ESRRG: variants seen among roughly 807,000 people sequenced by gnomAD.
The protein encoded by ESRRG is estrogen related receptor gamma.
Under a neutral mutation model 44.0 loss-of-function variants are expected in ESRRG, and 13 were observed. The ratio of observed to expected loss-of-function variants is 0.30; its 90% CI spans 0.19 to 0.47. The LOEUF is 0.47. ESRRG is among the 20% of genes least tolerant of loss of function. The probability of loss-of-function intolerance (pLI) is 1.00; values close to 1 mark genes in which losing one functional copy is unlikely to be tolerated. For missense variants in ESRRG, 395 were observed against 580.6 expected (o/e 0.68, Z 3.29); for synonymous variants, 215 against 214.6 (o/e 1.00, Z -0.02).
intron 1 of ESRRG, among the ~76,000 whole-genome samples, chr1:217,102,386 G>A (rs1296008244): frequency 6.6e-6 from 1 of 152,108 alleles, no homozygotes; most frequent in African/African-American, 2.4e-5. Flanking sequence ...TAATTAATAT[G>A]TGTTATCAAT....
intron 2 of ESRRG, among the ~76,000 whole-genome samples, chr1:216,822,004 G>A (rs2095308579): frequency 6.6e-6 from 1 of 151,854 alleles, no homozygotes; most frequent in Admixed American, 6.6e-5. Flanking sequence ...GCAGAAGGGG[G>A]GTTAGATCTT....
At chr1:216,546,892 G>A (rs1411338834) in intron 5 of ESRRG, among the ~76,000 whole-genome samples, 1 of 151,730 alleles carries the variant, frequency 6.6e-6, no homozygotes, top group Non-Finnish European at 1.5e-5. Flanking sequence ...TGCCATGGTG[G>A]TTTGCTGCAC....
intron 1 of ESRRG, among the ~76,000 whole-genome samples, chr1:217,075,213 C>T (rs1177767921): frequency 6.6e-6 from 1 of 152,168 alleles, no homozygotes. Flanking sequence ...AATAATGAAA[C>T]CAGCAACAGT....
At chr1:216,970,769 A>G (rs1401524670) in intron 1 of ESRRG, among the ~76,000 whole-genome samples, 1 of 152,164 alleles carries the variant, frequency 6.6e-6, no homozygotes, top group Non-Finnish European at 1.5e-5. Flanking sequence ...ATGTCCTTTC[A>G]ATTGCTTAGA....
intron 2 of ESRRG, among the ~76,000 whole-genome samples, chr1:216,753,844 A>T (rs1318909905): frequency 6.6e-6 from 1 of 152,006 alleles, no homozygotes; most frequent in Non-Finnish European, 1.5e-5. Flanking sequence ...GGAGGTGGGG[A>T]GTCGTAAGAA....
At chr1:216,623,233 C>T (rs1167476553) in intron 3 of ESRRG, among the ~76,000 whole-genome samples, 1 of 151,918 alleles carries the variant, frequency 6.6e-6, no homozygotes, top group African/African-American at 2.4e-5. Flanking sequence ...CAGGGGCCCA[C>T]CACCACGCCC....
chr1:217,076,227 A>G (rs1292434255), intron 1 of ESRRG, among the ~76,000 whole-genome samples: 1 of 152,176 alleles, frequency 6.6e-6, no homozygotes, highest in Non-Finnish European at 1.5e-5. Context: ...GAGCATCTTC[A>G]TTCCTGCATG....
chr1:216,782,770 C>G (rs2093982223), intron 2 of ESRRG, among the ~76,000 whole-genome samples: 1 of 151,938 alleles, frequency 6.6e-6, no homozygotes, highest in African/African-American at 2.4e-5. Flanking sequence ...TTTTACCAAA[C>G]TGTGGGATCT....
chr1:216,967,063 A>G (rs1324391528), intron 1 of ESRRG, among the ~76,000 whole-genome samples: 1 of 152,094 alleles, frequency 6.6e-6, no homozygotes, highest in African/African-American at 2.4e-5. Context: ...CTTTTTAAGA[A>G]AATAAATTTT....
intron 2 of ESRRG, among the ~76,000 whole-genome samples, chr1:216,875,063 C>T (rs986342223): frequency 2.6e-5 from 4 of 152,168 alleles, no homozygotes; most frequent in African/African-American, 7.2e-5. Context: ...TAATCTTTAA[C>T]TTGCAGATGG....
At chr1:216,814,298 T>C (rs893089471) in intron 2 of ESRRG, among the ~76,000 whole-genome samples, 2 of 152,172 alleles carry the variant, frequency 1.3e-5, no homozygotes, top group African/African-American at 4.8e-5. Flanking sequence ...TGGAAGAGAA[T>C]TCCATCTGTA....
At chr1:216,561,155 T>A (rs985026824) in intron 5 of ESRRG, among the ~76,000 whole-genome samples, 1 of 152,192 alleles carries the variant, frequency 6.6e-6, no homozygotes, top group African/African-American at 2.4e-5. Context: ...ACCTATTCCA[T>A]ATGTATTTTC....
rs142700444 is a variant in ESRRG at position 216,602,485 on chromosome 1, A to G, written c.590-34387T>C. ...AAAATCAGAACTAGGGCCAACTGTA[A>G]CAGGTGCTAATAGAATTTTTCCATG... On this transcript the variant is annotated intron_variant, in intron 3 of 6. Transcript: ENST00000408911. Among the ~76,000 whole-genome samples the G allele has an allele frequency of 1.6e-3, 245 of 152,344 alleles. 1 individual carries two copies. Among genetic ancestry groups the G allele is most frequent in the African/African-American group, 5.6e-3 (231 of 41,590 alleles).
intron 2 of ESRRG, among the ~76,000 whole-genome samples, chr1:216,916,422 C>G (rs1376465854): frequency 6.6e-6 from 1 of 152,190 alleles, no homozygotes; most frequent in African/African-American, 2.4e-5. Context: ...AAGTGAAAGA[C>G]AGGAATTCAT....
intron 1 of ESRRG, among the ~76,000 whole-genome samples, chr1:217,129,449 CAA>C (rs2092931929): frequency 6.6e-6 from 1 of 152,050 alleles, no homozygotes; most frequent in Non-Finnish European, 1.5e-5. Flanking sequence ...AAGTTGGACC[CAA>C]GAGAGCAGAA....
intron 1 of ESRRG, among the ~76,000 whole-genome samples, chr1:216,948,433 C>T (rs772550567): frequency 7.3e-6 from 1 of 137,676 alleles, no homozygotes; most frequent in African/African-American, 2.8e-5. Context: ...GCCGAGATGG[C>T]ACTACTGCAC....
At chr1:216,637,564 A>G (rs2065538989) in intron 3 of ESRRG, among the ~76,000 whole-genome samples, 1 of 152,216 alleles carries the variant, frequency 6.6e-6, no homozygotes, top group East Asian at 1.9e-4. Flanking sequence ...AAGAACCAAA[A>G]GACATCATTA....
chr1:216,997,024 T>C (rs2076456508), intron 1 of ESRRG, among the ~76,000 whole-genome samples: 1 of 152,172 alleles, frequency 6.6e-6, no homozygotes, highest in Admixed American at 6.5e-5. Flanking sequence ...TCAATAGAAT[T>C]AGATGACATT....
In ESRRG at chr1:216,677,194, G is replaced by A; in HGVS notation, c.354C>T (p.Tyr118=). Residue 118 remains tyrosine, a synonymous_variant, in exon 2 of 7, where the codon TAC becomes TAT. Coordinates refer to ENST00000408911, the MANE Select transcript of ESRRG (RefSeq NM_001438.4). ...IVEDPQTKCE[Y]MLNSMPKRLC... ...GTCTCTTGGGCATCGAGTTGAGCAT[G>A]TATTCACACTTGGTCTGGGGATCTT... 1 of 1,614,170 alleles carries A rather than the reference G, an allele frequency of 6.2e-7. No homozygotes were observed. Among genetic ancestry groups the A allele is most frequent in the Non-Finnish European group, 8.5e-7 (1 of 1,180,002 alleles).
Sources: gnomAD v4.1 joint callset for allele counts (sites outside exome capture counted in the v4.1 genomes callset) on GRCh38, gnomAD v4.1.1 for gene constraint, MANE v1.5 for transcripts, NCBI Gene and HGNC (gene_info 2026-07-23, HGNC 2026-07-21) for gene names.